Variants in RGPD2 observed in about 807,000 individuals in gnomAD.
The protein encoded by RGPD2 is RANBP2 like and GRIP domain containing 2, also known as RANBP2-like and GRIP domain-containing protein 2.
Under a neutral mutation model 36.0 loss-of-function variants are expected in RGPD2, and 2 were observed. The ratio of observed to expected loss-of-function variants is 0.06; its 90% CI spans 0.02 to 0.17. The LOEUF is 0.17. RGPD2 is among the 10% of genes least tolerant of loss of function. The pLI, the probability that RGPD2 is intolerant of heterozygous loss-of-function variation, is 1.00. For synonymous variants in RGPD2, 19 were observed against 163.8 expected (o/e 0.12, Z 6.75); for missense variants, 40 against 464.3 (o/e 0.09, Z 8.40).
chr2:87,937,182 G>A, the RGPD2 span, among the ~76,000 whole-genome samples: 1 of 151,800 alleles, frequency 6.6e-6, no homozygotes, highest in Non-Finnish European at 1.5e-5. Flanking sequence ...GAAAGATCTG[G>A]TAGAGTCAGA....
chr2:87,876,672 G>GTATAT, the RGPD2 span, among the ~76,000 whole-genome samples: 2 of 152,280 alleles, frequency 1.3e-5, no homozygotes, highest in African/African-American at 4.8e-5. Context: ...TGAGAAGTAT[G>GTATAT]TATATTATAT....
chr2:87,988,944 A>G, the RGPD2 span, among the ~76,000 whole-genome samples: 1 of 151,948 alleles, frequency 6.6e-6, no homozygotes, highest in Non-Finnish European at 1.5e-5. Flanking sequence ...TAGAGCACAC[A>G]TAGAGTGGAC....
the RGPD2 span, among the ~76,000 whole-genome samples, chr2:87,909,284 A>C: frequency 3.4e-5 from 5 of 146,794 alleles, no homozygotes; most frequent in African/African-American, 7.5e-5. Flanking sequence ...CAAAGTACAG[A>C]TATTACTAAT....
chr2:87,971,925 C>G, the RGPD2 span, among the ~76,000 whole-genome samples: 2 of 151,618 alleles, frequency 1.3e-5, no homozygotes, highest in East Asian at 3.9e-4. Context: ...TACACATCAG[C>G]AGCAGTCAAA....
the RGPD2 span, among the ~76,000 whole-genome samples, chr2:87,846,664 A>C: frequency 1.3e-5 from 2 of 152,018 alleles, no homozygotes; most frequent in African/African-American, 4.8e-5. Flanking sequence ...AGCCTTAAAC[A>C]TCTGGTAACT....
chr2:87,821,990 C>CG (rs1217197916), intron 1 of RGPD2, among the ~76,000 whole-genome samples: 3 of 149,778 alleles, frequency 2.0e-5, no homozygotes, highest in African/African-American at 7.4e-5. Flanking sequence ...TTAATTCAAA[C>CG]GGAGTCTCGC....
the RGPD2 span, among the ~76,000 whole-genome samples, chr2:87,957,860 G>A: frequency 2.6e-5 from 4 of 152,300 alleles, no homozygotes; most frequent in African/African-American, 9.6e-5. Flanking sequence ...TCATTCAAAA[G>A]AGAATCTCAG....
chr2:87,882,792 G>C, the RGPD2 span, among the ~76,000 whole-genome samples: 1 of 151,962 alleles, frequency 6.6e-6, no homozygotes, highest in Non-Finnish European at 1.5e-5. Flanking sequence ...ATAGTTTTCA[G>C]CTTACAGTTT....
the RGPD2 span, among the ~76,000 whole-genome samples, chr2:87,875,903 G>C: frequency 5.3e-5 from 8 of 152,194 alleles, no homozygotes; most frequent in Middle Eastern, 3.4e-3. Context: ...CAATTTCTCA[G>C]TCTATTCAGT....
intron 21 of RGPD2, among the ~76,000 whole-genome samples, chr2:87,773,128 G>A (rs1227536773): frequency 1.6e-5 from 2 of 127,442 alleles, no homozygotes; most frequent in African/African-American, 6.0e-5. Context: ...CACAGTGAAC[G>A]GCACTTAAAA....
the RGPD2 span, among the ~76,000 whole-genome samples, chr2:87,907,414 T>TAAAAAAA: frequency 1.2e-3 from 4 of 3,440 alleles, 1 homozygote; most frequent in Non-Finnish European, 4.4e-4. Context: ...TAGAGTATAA[T>TAAAAAAA]AAAAAAAAAA....
upstream of RGPD2, chr2:87,825,888 A>G (rs566826687): frequency 9.3e-5 from 88 of 950,754 alleles, no homozygotes; most frequent in African/African-American, 1.4e-3. Context: ...ATCCTTGGCG[A>G]CGTCGGCGCT....
At chr2:87,984,277 C>G in the RGPD2 span, among the ~76,000 whole-genome samples, 633 of 152,288 alleles carry the variant, frequency 4.2e-3, 1 homozygote, top group Non-Finnish European at 6.5e-3. Context: ...GAACCCCTTT[C>G]CAAACATTAC....
the RGPD2 span, among the ~76,000 whole-genome samples, chr2:87,985,315 A>G: frequency 6.6e-6 from 1 of 151,206 alleles, no homozygotes; most frequent in Non-Finnish European, 1.5e-5. Flanking sequence ...GTGTAAAAAG[A>G]CAATCTTATC....
At chr2:87,939,488 C>A in the RGPD2 span, among the ~76,000 whole-genome samples, 2 of 151,920 alleles carry the variant, frequency 1.3e-5, no homozygotes, top group South Asian at 4.1e-4. Context: ...TCCCTAGCAC[C>A]ATCTGGTCAC....
rs1415517780 is a variant in RGPD2, at chr2:87,758,907, AAAT to A, written c.5237-1484_5237-1482del. The A allele has an allele frequency of 9.2e-5, 55 of 598,096 alleles. No homozygotes were observed. In the East Asian group the frequency reaches 1.6e-3, roughly 17 times the overall value. The allele number at this position is 598,096 out of a possible 1,614,324, so 37.0% of individuals were successfully genotyped here. A position where few individuals can be genotyped will look rare whatever the true frequency, so the allele number is the denominator to read the frequency against. Reference sequence around the variant, plus strand: ...TTTTCATTTCTGCCCTTCACCTGTAAAATAATTTGTTGTAAAGCCCCTTCCCAC... The same window carrying A: ...TTTTCATTTCTGCCCTTCACCTGTAAAATTTGTTGTAAAGCCCCTTCCCAC... On this transcript the variant is annotated intron_variant, in intron 22 of 22. Transcript: ENST00000398146.
chr2:87,825,248 T>G (rs1018111133), intron 1 of RGPD2: 2 of 394,528 alleles, frequency 5.1e-6, no homozygotes, highest in Admixed American at 8.9e-5. Context: ...CAACAATGAC[T>G]AATCCAACTA....
the RGPD2 span, among the ~76,000 whole-genome samples, chr2:87,874,482 C>CTATTTAATACAAGGAAAT: frequency 7.6e-6 from 1 of 131,476 alleles, no homozygotes. Flanking sequence ...AAATCCTTTC[C>CTATTTAATACAAGGAAAT]CCATTGTTTG....
the RGPD2 span, among the ~76,000 whole-genome samples, chr2:87,983,869 G>C: frequency 6.6e-6 from 1 of 152,242 alleles, no homozygotes; most frequent in Non-Finnish European, 1.5e-5. Context: ...AATGTGGCTG[G>C]GATGATGCGT....
Sources: allele counts gnomAD v4.1 joint callset (sites outside exome capture counted in the v4.1 genomes callset), GRCh38; gene constraint gnomAD v4.1.1; transcripts MANE v1.5; gene names NCBI Gene and HGNC (gene_info 2026-07-23, HGNC 2026-07-21).